The following LIN28A variants were observed in gnomAD, a reference collection of about 807,000 sequenced individuals.
LIN28A encodes protein lin-28 homolog A.
Under a neutral mutation model 21.1 loss-of-function variants are expected in LIN28A, and 11 were observed. That is an observed-to-expected ratio of 0.52 (90% CI 0.33 to 0.86). The LOEUF (loss-of-function observed/expected upper bound fraction) is 0.86. Ranked by LOEUF, LIN28A falls within the 40% of genes least tolerant of loss-of-function variation. The probability of loss-of-function intolerance (pLI) is 0.03; values close to 1 mark genes in which losing one functional copy is unlikely to be tolerated. For missense variants in LIN28A, 219 were observed against 279.8 expected, an observed-to-expected ratio of 0.78 and a Z score of 1.55; for synonymous variants, 111 against 108.7, an observed-to-expected ratio of 1.02 and a Z score of -0.13.
At position 26,424,631 on chromosome 1, in the gene LIN28A, C is replaced by T. The variant is rs151149388; in HGVS notation, c.229-672C>T. 4.7e-3 allele frequency among the ~76,000 whole-genome samples: 714 copies of T among 151,832 alleles called. 5 individuals carry two copies. The highest frequency in any genetic ancestry group is 0.016 in the African/African-American group (681 of 41,386). ...TGTTGCCCAGGCTGGAGTGCAAAGG[C>T]GCCATCTTGGCTCACTGCAACCTCT... On this transcript the variant is annotated intron_variant, in intron 2 of 3. Transcript: ENST00000326279.
At chr1:26,418,312 C>A (rs1381443183) in intron 2 of LIN28A, among the ~76,000 whole-genome samples, 1 of 152,070 alleles carries the variant, frequency 6.6e-6, no homozygotes, top group East Asian at 1.9e-4. Context: ...TTTGGGAGGC[C>A]GAGGCGGGTA....
intron 2 of LIN28A, among the ~76,000 whole-genome samples, chr1:26,415,681 CT>C (rs2074988772): frequency 1.3e-5 from 2 of 150,618 alleles, no homozygotes; most frequent in Non-Finnish European, 3.0e-5. Context: ...TGCTCGCTTT[CT>C]GGGCTGGGCA....
intron 2 of LIN28A, among the ~76,000 whole-genome samples, chr1:26,424,056 C>T (rs527386324): frequency 3.3e-5 from 5 of 151,376 alleles, no homozygotes; most frequent in South Asian, 2.1e-4. Context: ...GCAGCGCACC[C>T]GGCCTTTTTT....
At chr1:26,413,578 G>A (rs1268539680) in intron 2 of LIN28A, among the ~76,000 whole-genome samples, 1 of 152,102 alleles carries the variant, frequency 6.6e-6, no homozygotes, top group African/African-American at 2.4e-5. Flanking sequence ...TGAGTAAGTT[G>A]TCAATAGGGA....
intron 2 of LIN28A, among the ~76,000 whole-genome samples, chr1:26,423,823 C>T (rs111662457): frequency 0.21 from 31,279 of 151,876 alleles, 3,901 homozygotes; most frequent in Non-Finnish European, 0.28. Context: ...AGTACAGTGG[C>T]GCGATCTCAG....
chr1:26,413,759 G>A (rs779132416), intron 2 of LIN28A, among the ~76,000 whole-genome samples: 4 of 150,956 alleles, frequency 2.6e-5, no homozygotes, highest in South Asian at 2.1e-4. Context: ...CACCTTAACC[G>A]TAAGTTAGAT....
At chr1:26,426,146 C>A in intron 3 of LIN28A, 96 bp from the exon 4 acceptor site, 4 of 971,960 alleles carry the variant, frequency 4.1e-6, no homozygotes, top group Non-Finnish European at 6.4e-6. Context: ...AAGTAAGTGA[C>A]AAACCTGTAC....
chr1:26,423,708 G>A (rs1359095814), intron 2 of LIN28A, among the ~76,000 whole-genome samples: 1 of 151,782 alleles, frequency 6.6e-6, no homozygotes, highest in Non-Finnish European at 1.5e-5. Context: ...CATTGCGCAC[G>A]GCCCATTAGT....
At chr1:26,412,737 C>G (rs1210181690) in intron 2 of LIN28A, among the ~76,000 whole-genome samples, 1 of 151,702 alleles carries the variant, frequency 6.6e-6, no homozygotes, top group Non-Finnish European at 1.5e-5. Flanking sequence ...GGATGGCATT[C>G]TTTGGGGGAG....
chr1:26,422,123 C>T (rs1279785991), intron 2 of LIN28A, among the ~76,000 whole-genome samples: 1 of 152,052 alleles, frequency 6.6e-6, no homozygotes, highest in African/African-American at 2.4e-5. Flanking sequence ...ATCCTCCCAC[C>T]TCAGCCTCCC....
Position 26,411,576 on chromosome 1 carries a change from G to A in LIN28A, c.222G>A (p.Val74=), listed in dbSNP as rs921155121. The A allele has an allele frequency of 6.2e-6, 10 of 1,613,234 alleles. No individual in the cohort carries two copies. Among genetic ancestry groups the A allele is most frequent in the Non-Finnish European group, 8.5e-6 (10 of 1,179,834 alleles). ...VALDPPVDVF[V]HQSKLHMEGF... is the part of the protein sequence containing the mutation. Reference sequence around the variant, plus strand: ...TCGACCCCCCAGTGGATGTCTTTGTGCACCAGGTGAGACTGATTCCGGTAA... The same window carrying A: ...TCGACCCCCCAGTGGATGTCTTTGTACACCAGGTGAGACTGATTCCGGTAA... The change falls in exon 2 of 4, where the codon GTG becomes GTA. Residue 74 remains valine, a synonymous_variant. Transcript: ENST00000326279. This position sits in a 1 kb window ranked among gnomAD's most constrained non-coding sequence, Gnocchi z 5.4.
chr1:26,413,456 A>G (rs1342365114), intron 2 of LIN28A, among the ~76,000 whole-genome samples: 2 of 152,052 alleles, frequency 1.3e-5, no homozygotes, highest in African/African-American at 4.8e-5. Context: ...AGCAATTGGG[A>G]AACTATTGGA....
chr1:26,416,207 G>T (rs2074992172), intron 2 of LIN28A, among the ~76,000 whole-genome samples: 1 of 152,072 alleles, frequency 6.6e-6, no homozygotes, highest in Non-Finnish European at 1.5e-5. Context: ...TGTCCAGGCT[G>T]GTCTCAAACT....
chr1:26,415,242 T>TA (rs2074986066), intron 2 of LIN28A, among the ~76,000 whole-genome samples: 2 of 152,280 alleles, frequency 1.3e-5, no homozygotes, highest in Admixed American at 1.3e-4. Context: ...CTGCTGAAAT[T>TA]GCCCTGTAGC....
chr1:26,411,377 T>C lies in LIN28A; in HGVS notation c.32-9T>C. On this transcript the variant is annotated splice_polypyrimidine_tract_variant and intron_variant, in intron 1 of 3. Transcript: ENST00000326279. This position sits in a 1 kb window ranked among gnomAD's most constrained non-coding sequence, Gnocchi z 5.4. ...CCCCAGCTAAGTGCCCGGCCCTCCCTCTCTCCAGGTGGCTGCGCCAAGGCG... is the reference window on the plus strand; with the variant it reads ...CCCCAGCTAAGTGCCCGGCCCTCCCCCTCTCCAGGTGGCTGCGCCAAGGCG... The C allele has an allele frequency of 6.4e-7, 1 of 1,571,968 alleles. No homozygotes were observed. The highest frequency in any genetic ancestry group is 1.4e-5 in the African/African-American group (1 of 72,984).
intron 2 of LIN28A, among the ~76,000 whole-genome samples, chr1:26,423,856 A>G (rs540407670): frequency 6.7e-6 from 1 of 150,358 alleles, no homozygotes; most frequent in East Asian, 2.0e-4. Context: ...TCTGCCTCCC[A>G]GGTTCATGCC....
chr1:26,410,914 A>G lies in LIN28A; in HGVS notation c.23A>G (p.Gln8Arg). The change falls in exon 1 of 4, where the codon CAG becomes CGG. Residue 8 changes from glutamine (Q) to arginine (R), a missense_variant. Physicochemically the swap from Gln to Arg is conservative, Grantham distance 43. Around this residue, in one of 3 missense-constraint regions of LIN28A, gnomAD observed 50 missense variants for 49.0 expected, o/e 1.02. Transcript: ENST00000326279. ...ACCATGGGCTCCGTGTCCAACCAGC[A>G]GTTTGCAGGTTCGAGCTCGGGACTT... MGSVSNQ[Q>R]FAGGCAKAAE... The G allele has an allele frequency of 1.2e-6, 2 of 1,606,742 alleles. No individual in the cohort carries two copies. The highest frequency in any genetic ancestry group is 1.7e-6 in the Non-Finnish European group (2 of 1,178,094).
Position 26,410,862 on chromosome 1 carries a change from G to A in LIN28A, c.-30G>A, listed in dbSNP as rs765580300. 2 of 1,612,204 alleles carry A rather than the reference G, an allele frequency of 1.2e-6. No homozygotes were observed. Among genetic ancestry groups the A allele is most frequent in the East Asian group, 4.5e-5 (2 of 44,694 alleles). ...CGGGGCCAGCAGCCGCCCGACCAGG[G>A]GCCCGGGGCCACGGGCTCAGCCGAC... On this transcript the variant is annotated 5_prime_UTR_variant, in exon 1 of 4. Coordinates refer to ENST00000326279, the MANE Select transcript of LIN28A (RefSeq NM_024674.6).
intron 2 of LIN28A, among the ~76,000 whole-genome samples, chr1:26,415,433 T>C (rs544985128): frequency 1.3e-5 from 2 of 152,290 alleles, no homozygotes; most frequent in East Asian, 3.9e-4. Context: ...CATGTCTAGT[T>C]ATTGAGGTAC....
Sources: allele counts gnomAD v4.1 joint callset (sites outside exome capture counted in the v4.1 genomes callset), GRCh38; gene constraint gnomAD v4.1.1; regional missense constraint gnomAD v4.1.1; non-coding constraint Gnocchi (gnomAD v3.1); transcripts MANE v1.5; gene names NCBI Gene and HGNC (gene_info 2026-07-23, HGNC 2026-07-21).